The following THSD7B variants were observed in gnomAD, a reference collection of about 807,000 sequenced individuals.
THSD7B encodes the protein thrombospondin type-1 domain-containing protein 7B.
In THSD7B, 138 loss-of-function variants were observed where a neutral mutation model predicts 213.6. The ratio of observed to expected loss-of-function variants is 0.65; its 90% confidence interval spans 0.56 to 0.74. THSD7B has a LOEUF of 0.74. THSD7B is among the 30% of genes least tolerant of loss of function. The pLI, the probability that THSD7B is intolerant of heterozygous loss-of-function variation, is 0.00. For missense variants in THSD7B, 1,931 were observed against 1,991.5 expected (o/e 0.97, Z 0.58); for synonymous variants, 742 against 687.0 (o/e 1.08, Z -1.25).
chr2:137,215,477 C>G (rs540343600), intron 7 of THSD7B, among the ~76,000 whole-genome samples: 3 of 152,220 alleles, frequency 2.0e-5, no homozygotes, highest in Admixed American at 2.0e-4. Context: ...ATAAGTGATT[C>G]TGAAATGCAA....
intron 21 of THSD7B, 99 bp from the exon 22 acceptor site, chr2:137,655,402 A>G: frequency 7.6e-7 from 1 of 1,316,152 alleles, no homozygotes; most frequent in Non-Finnish European, 1.0e-6. Context: ...AGCTACGAAA[A>G]TATGCAACTA....
At chr2:137,513,901 C>T (rs974438043) in intron 15 of THSD7B, among the ~76,000 whole-genome samples, 2 of 152,194 alleles carry the variant, frequency 1.3e-5, no homozygotes, top group Non-Finnish European at 2.9e-5. Flanking sequence ...GACACACATA[C>T]TTTGTGTCAC....
At chr2:137,106,026 A>G (rs1688241406) in intron 4 of THSD7B, among the ~76,000 whole-genome samples, 1 of 152,188 alleles carries the variant, frequency 6.6e-6, no homozygotes, top group Non-Finnish European at 1.5e-5. Flanking sequence ...GACTTTCTTC[A>G]CAGAATTAGA....
intron 7 of THSD7B, among the ~76,000 whole-genome samples, chr2:137,215,514 T>G (rs1255201768): frequency 9.2e-5 from 14 of 152,198 alleles, no homozygotes; most frequent in Admixed American, 8.5e-4. Flanking sequence ...TGGAGAGCTC[T>G]GCATGCCCTC....
chr2:137,554,707 C>T (rs1263566987), intron 15 of THSD7B, among the ~76,000 whole-genome samples: 1 of 152,118 alleles, frequency 6.6e-6, no homozygotes, highest in South Asian at 2.1e-4. Context: ...GGGTGCAGTA[C>T]AGTGGATGCA....
chr2:137,454,890 A>G (rs1404835038), intron 15 of THSD7B, among the ~76,000 whole-genome samples: 2 of 152,150 alleles, frequency 1.3e-5, no homozygotes, highest in African/African-American at 2.4e-5. Context: ...ATTTTTACCC[A>G]TAAGTAAGAG....
chr2:137,227,245 C>T (rs912078463), intron 7 of THSD7B, among the ~76,000 whole-genome samples: 4 of 152,114 alleles, frequency 2.6e-5, no homozygotes, highest in Non-Finnish European at 1.5e-5. Context: ...CCAAGTGACA[C>T]GGTCAAAGCA....
intron 1 of THSD7B, among the ~76,000 whole-genome samples, chr2:136,795,987 G>A (rs1016624886): frequency 6.6e-6 from 1 of 151,730 alleles, no homozygotes; most frequent in East Asian, 1.9e-4. Context: ...AGCCTCATTT[G>A]CATATTACAT....
chr2:137,340,836 C>T (rs190173551), intron 12 of THSD7B, among the ~76,000 whole-genome samples: 3 of 151,846 alleles, frequency 2.0e-5, no homozygotes, highest in East Asian at 3.9e-4. Context: ...CTGGTGGACA[C>T]TTAGGTTTAC....
At chr2:137,304,853 TATTC>T (rs1420436577) in intron 12 of THSD7B, among the ~76,000 whole-genome samples, 2 of 152,136 alleles carry the variant, frequency 1.3e-5, no homozygotes, top group Non-Finnish European at 2.9e-5. Context: ...AATAATGTAA[TATTC>T]ATAATATTTC....
At chr2:137,648,406 G>C (rs946201230) in intron 21 of THSD7B, among the ~76,000 whole-genome samples, 1 of 151,910 alleles carries the variant, frequency 6.6e-6, no homozygotes, top group African/African-American at 2.4e-5. Context: ...CTTGCCTCTG[G>C]TAACTACCAA....
At chr2:137,268,159 A>AT (rs1006829255) in intron 10 of THSD7B, among the ~76,000 whole-genome samples, 12 of 150,532 alleles carry the variant, frequency 8.0e-5, no homozygotes, top group African/African-American at 2.4e-4. Flanking sequence ...ATTTTATTTT[A>AT]TTTTTTTTAT....
intron 6 of THSD7B, among the ~76,000 whole-genome samples, chr2:137,164,782 A>G (rs917117388): frequency 1.3e-5 from 2 of 152,226 alleles, no homozygotes; most frequent in African/African-American, 2.4e-5. Flanking sequence ...TCGCAAGGAC[A>G]AAAAACCAAA....
intron 3 of THSD7B, among the ~76,000 whole-genome samples, chr2:137,071,172 C>A (rs1207398873): frequency 1.3e-5 from 2 of 152,162 alleles, no homozygotes; most frequent in East Asian, 3.9e-4. Context: ...AGTTTACAGT[C>A]CCAGCAACAG....
At chr2:137,646,545 G>A (rs1009648170) in intron 21 of THSD7B, among the ~76,000 whole-genome samples, 16 of 148,934 alleles carry the variant, frequency 1.1e-4, no homozygotes, top group South Asian at 8.5e-4. Context: ...TCAGCTACTC[G>A]TGAGGCTGAG....
At chr2:137,362,398 G>A (rs1685286081) in intron 12 of THSD7B, among the ~76,000 whole-genome samples, 4 of 152,156 alleles carry the variant, frequency 2.6e-5, no homozygotes, top group African/African-American at 9.7e-5. Flanking sequence ...AACCTTAAAT[G>A]TGAATGGGCT....
intron 15 of THSD7B, among the ~76,000 whole-genome samples, chr2:137,473,208 ATTTGTTTGTTTG>A (rs572015759): frequency 5.2e-4 from 78 of 150,598 alleles, no homozygotes; most frequent in African/African-American, 1.8e-3. Context: ...TAATATTATT[ATTTGTTTGTTTG>A]TTTGTTTGTT....
At chr2:136,931,505 T>C (rs528959767) in intron 2 of THSD7B, among the ~76,000 whole-genome samples, 2 of 152,300 alleles carry the variant, frequency 1.3e-5, no homozygotes, top group South Asian at 2.1e-4. Context: ...GCTAGTTATA[T>C]TGTGTTTTCC....
chr2:137,032,787 A>G (rs756880480), intron 2 of THSD7B, among the ~76,000 whole-genome samples: 39 of 152,330 alleles, frequency 2.6e-4, no homozygotes, highest in Non-Finnish European at 4.9e-4. Flanking sequence ...TATAATGCAT[A>G]AAAGTATCAT....
Sources: allele counts gnomAD v4.1 joint callset (sites outside exome capture counted in the v4.1 genomes callset), GRCh38; gene constraint gnomAD v4.1.1; transcripts MANE v1.5; gene names NCBI Gene and HGNC (gene_info 2026-07-23, HGNC 2026-07-21).